CAST: variants seen among roughly 807,000 people sequenced by gnomAD.
CAST encodes calpastatin.
CAST carries 76 observed loss-of-function variants against 119.6 expected under a neutral mutation model. That is an observed-to-expected ratio of 0.64 (90% CI 0.53 to 0.77). CAST has a LOEUF of 0.77. Among genes scored for constraint, CAST ranks in the 30% least tolerant of loss-of-function variants. The pLI is 0.00. For missense variants in CAST, 953 were observed against 946.5 expected (o/e 1.01, Z -0.09); for synonymous variants, 319 against 331.6 (o/e 0.96, Z 0.41).
chr5:96,117,126 G>C, the CAST span, among the ~76,000 whole-genome samples: 1 of 152,112 alleles, frequency 6.6e-6, no homozygotes, highest in Non-Finnish European at 1.5e-5. Context: ...TGTGTCTTTA[G>C]AGAGCAAAAA....
At chr5:96,714,715 T>C (rs1431012452) in intron 3 of CAST, 1 of 152,174 alleles carries the variant, frequency 6.6e-6, no homozygotes, top group Non-Finnish European at 1.5e-5. Flanking sequence ...GAGACATGAA[T>C]ACAACTTCAG....
intron 3 of CAST, among the ~76,000 whole-genome samples, chr5:96,699,528 G>A (rs938985640): frequency 6.6e-6 from 1 of 152,196 alleles, no homozygotes; most frequent in Non-Finnish European, 1.5e-5. Flanking sequence ...CCTGTCACAT[G>A]TAGGACTGGG....
the CAST span, among the ~76,000 whole-genome samples, chr5:96,363,294 C>T: frequency 0.015 from 2,206 of 145,418 alleles, 17 homozygotes; most frequent in Non-Finnish European, 0.023. Flanking sequence ...GTTCTTTTGG[C>T]TTAGGATTGA....
chr5:96,430,712 T>C, the CAST span, among the ~76,000 whole-genome samples: 1 of 152,208 alleles, frequency 6.6e-6, no homozygotes, highest in Non-Finnish European at 1.5e-5. Context: ...TCTAATAAAA[T>C]AATTTTGTTA....
At chr5:96,624,668 C>T (rs1298287458) in intron 1 of CAST, among the ~76,000 whole-genome samples, 1 of 152,192 alleles carries the variant, frequency 6.6e-6, no homozygotes, top group African/African-American at 2.4e-5. Context: ...TGCACCCATC[C>T]CTTGTTTATG....
At chr5:96,699,645 C>G (rs1445063358) in intron 3 of CAST, among the ~76,000 whole-genome samples, 1 of 152,168 alleles carries the variant, frequency 6.6e-6, no homozygotes, top group African/African-American at 2.4e-5. Context: ...CCAGCTCATT[C>G]TTGTTTGGCA....
the CAST span, among the ~76,000 whole-genome samples, chr5:96,164,781 T>C: frequency 6.6e-6 from 1 of 152,186 alleles, no homozygotes; most frequent in Non-Finnish European, 1.5e-5. Context: ...TGGCCAAGAA[T>C]GCAAATAAAT....
At chr5:96,575,334 C>T (rs910907668) in intron 1 of CAST, among the ~76,000 whole-genome samples, 3 of 152,042 alleles carry the variant, frequency 2.0e-5, no homozygotes, top group African/African-American at 7.2e-5. Context: ...ACATAAACAA[C>T]CATATCCTCT....
At chr5:96,096,862 C>T in the CAST span, among the ~76,000 whole-genome samples, 1 of 152,298 alleles carries the variant, frequency 6.6e-6, no homozygotes, top group South Asian at 2.1e-4. Flanking sequence ...GTGGCATTGT[C>T]TCTGTCAGAG....
the CAST span, chr5:95,961,920 G>T: frequency 1.5e-6 from 1 of 650,556 alleles, no homozygotes; most frequent in Admixed American, 4.0e-5. Context: ...GCCCCGCCCC[G>T]GGCTCGTCTC....
At chr5:96,225,609 G>GT in the CAST span, among the ~76,000 whole-genome samples, 1 of 152,066 alleles carries the variant, frequency 6.6e-6, no homozygotes, top group Non-Finnish European at 1.5e-5. Context: ...TTACTGATGA[G>GT]TTATCTTATA....
At chr5:96,213,075 T>C in the CAST span, among the ~76,000 whole-genome samples, 1 of 152,112 alleles carries the variant, frequency 6.6e-6, no homozygotes, top group East Asian at 1.9e-4. Context: ...GCTATGATCA[T>C]GCCACTGCAC....
At chr5:96,016,088 TGAA>T in the CAST span, among the ~76,000 whole-genome samples, 1 of 152,238 alleles carries the variant, frequency 6.6e-6, no homozygotes, top group Non-Finnish European at 1.5e-5. Flanking sequence ...GAGGCTTCCC[TGAA>T]GAAGAAATTC....
At chr5:96,236,427 C>T in the CAST span, among the ~76,000 whole-genome samples, 2 of 152,140 alleles carry the variant, frequency 1.3e-5, no homozygotes, top group Admixed American at 6.5e-5. Context: ...GAGCAAGGCT[C>T]ACTACTTAAA....
the CAST span, among the ~76,000 whole-genome samples, chr5:96,172,731 G>T: frequency 6.6e-6 from 1 of 152,318 alleles, no homozygotes; most frequent in East Asian, 1.9e-4. Context: ...AGTTTAAACA[G>T]AAAATAAATT....
chr5:96,484,761 G>A, the CAST span, among the ~76,000 whole-genome samples: 8 of 73,782 alleles, frequency 1.1e-4, no homozygotes, highest in African/African-American at 4.2e-4. Context: ...AGAGCTGGGG[G>A]GCCATCATTA....
chr5:96,149,027 TAATTC>T, the CAST span, among the ~76,000 whole-genome samples: 1 of 152,262 alleles, frequency 6.6e-6, no homozygotes, highest in African/African-American at 2.4e-5. Flanking sequence ...AGGTGAATCT[TAATTC>T]AATCAAAATT....
At chr5:96,321,226 G>T in the CAST span, among the ~76,000 whole-genome samples, 3 of 152,102 alleles carry the variant, frequency 2.0e-5, no homozygotes, top group Non-Finnish European at 4.4e-5. Flanking sequence ...TTTAAAAGCA[G>T]CCCTGGCCTC....
chr5:96,393,491 G>A, the CAST span: 2 of 1,250,482 alleles, frequency 1.6e-6, no homozygotes, highest in Non-Finnish European at 2.3e-6. Flanking sequence ...GGCAATGAGG[G>A]GAGGGGAGAG....
Sources: gnomAD v4.1 joint callset for allele counts (sites outside exome capture counted in the v4.1 genomes callset) on GRCh38, gnomAD v4.1.1 for gene constraint, MANE v1.5 for transcripts, NCBI Gene and HGNC (gene_info 2026-07-23, HGNC 2026-07-21) for gene names.